The following PSD3 variants were observed in gnomAD, a reference collection of about 807,000 sequenced individuals.
PSD3 encodes PH and SEC7 domain-containing protein 3.
In PSD3, 49 loss-of-function variants were observed where a neutral mutation model predicts 105.5. The observed-to-expected ratio is 0.46, with a 90% confidence interval of 0.37 to 0.59. The LOEUF (loss-of-function observed/expected upper bound fraction) is 0.59, where lower values mean the gene tolerates loss of function less well. PSD3 is among the 20% of genes least tolerant of loss of function. The pLI is 0.00. For synonymous variants in PSD3, 557 were observed against 457.8 expected (o/e 1.22, Z -2.77); for missense variants, 1,561 against 1,263.8 (o/e 1.24, Z -3.57).
intron 2 of PSD3, among the ~76,000 whole-genome samples, chr8:18,921,072 G>C (rs1203927576): frequency 1.3e-5 from 2 of 152,136 alleles, no homozygotes; most frequent in African/African-American, 2.4e-5. Flanking sequence ...TCACAGATAT[G>C]AGAAACCTTC....
chr8:19,069,053 A>G, intron 1 of PSD3, among the ~76,000 whole-genome samples: 1 of 152,140 alleles, frequency 6.6e-6, no homozygotes, highest in East Asian at 1.9e-4. Flanking sequence ...TATTCAAACT[A>G]ACGTCAAGCT....
chr8:19,080,919 CA>C (rs1011187773), intron 1 of PSD3, among the ~76,000 whole-genome samples: 4 of 151,272 alleles, frequency 2.6e-5, no homozygotes, highest in South Asian at 2.1e-4. Flanking sequence ...GAAGACCTAG[CA>C]AAAAAAAATT....
At chr8:18,969,146 G>A (rs544880972) in intron 1 of PSD3, among the ~76,000 whole-genome samples, 1 of 152,166 alleles carries the variant, frequency 6.6e-6, no homozygotes, top group African/African-American at 2.4e-5. Flanking sequence ...GGGGAAGGAG[G>A]TAATATTCAG....
At chr8:18,960,758 T>C (rs764515307) in intron 1 of PSD3, among the ~76,000 whole-genome samples, 15 of 152,142 alleles carry the variant, frequency 9.9e-5, no homozygotes, top group Non-Finnish European at 2.1e-4. Context: ...GCAATTTATT[T>C]ATTTATTTAT....
At chr8:19,017,070 T>G (rs1479016431), upstream of PSD3, among the ~76,000 whole-genome samples, 15 of 99,234 alleles carry the variant, frequency 1.5e-4, no homozygotes, top group African/African-American at 5.0e-4. Context: ...TTTTTTTTTT[T>G]GAGACAGTAT....
At chr8:18,810,105 C>A (rs1364977972) in intron 4 of PSD3, among the ~76,000 whole-genome samples, 1 of 152,194 alleles carries the variant, frequency 6.6e-6, no homozygotes, top group African/African-American at 2.4e-5. Flanking sequence ...ATGCCTTTTA[C>A]GTATGTTGTT....
chr8:19,003,265 G>A (rs1826494881), intron 1 of PSD3, among the ~76,000 whole-genome samples: 1 of 151,928 alleles, frequency 6.6e-6, no homozygotes, highest in Non-Finnish European at 1.5e-5. Context: ...CAGCTATTTG[G>A]GAGGCTGAGG....
In PSD3 at chr8:19,074,674, G is replaced by A. The variant is rs548724420; in HGVS notation, c.324+9532C>T. 3.8e-3 allele frequency among the ~76,000 whole-genome samples: 494 copies of A among 129,794 alleles called. 3 individuals are homozygous for A. The highest frequency in any genetic ancestry group is 0.014 in the African/African-American group (478 of 33,076). 85.1% of individuals were successfully genotyped at this position (129,794 alleles called of 152,430 possible). A position where few individuals can be genotyped will look rare whatever the true frequency, so the allele number is the denominator to read the frequency against. The stretch of plus-strand genomic sequence containing the variant: ...CTCGCTCTGTGGCCCAGGCTGGAGT[G>A]CAGTGACGCGATCGCAGCTCACCGC... On this transcript the variant is annotated intron_variant, in intron 1 of 1. Transcript: ENST00000521475.
In PSD3 at chr8:19,013,639, C is replaced by G; in HGVS notation, c.-56G>C. On this transcript the variant is annotated 5_prime_UTR_variant, in exon 1 of 16. Transcript: ENST00000327040. Reference sequence around the variant, plus strand: ...ACCGCCGCCGGGCGCTCCGGGGCCGCAGCCTCAGGGCGCGAGTGCCGGCGG... The same window carrying G: ...ACCGCCGCCGGGCGCTCCGGGGCCGGAGCCTCAGGGCGCGAGTGCCGGCGG... 7.6e-7 allele frequency: 1 copy of G among 1,311,018 alleles called. No homozygotes were observed. Among genetic ancestry groups the G allele is most frequent in the Non-Finnish European group, 9.6e-7 (1 of 1,037,526 alleles). The allele number at this position is 1,311,018 out of a possible 1,614,324, so 81.2% of individuals were successfully genotyped here. A position where few individuals can be genotyped will look rare whatever the true frequency, so the allele number is the denominator to read the frequency against.
At chr8:18,620,617 G>T (rs1423318186) in intron 11 of PSD3, among the ~76,000 whole-genome samples, 1 of 152,106 alleles carries the variant, frequency 6.6e-6, no homozygotes, top group South Asian at 2.1e-4. Context: ...GCTGAGGTAG[G>T]GGGGACTGCT....
chr8:18,629,521 G>C (rs1806743566), intron 11 of PSD3, among the ~76,000 whole-genome samples: 1 of 151,948 alleles, frequency 6.6e-6, no homozygotes, highest in Non-Finnish European at 1.5e-5. Context: ...TAAGCAATAA[G>C]AAGAGAGAAA....
intron 2 of PSD3, among the ~76,000 whole-genome samples, chr8:18,873,096 G>C: frequency 6.6e-6 from 1 of 152,158 alleles, no homozygotes; most frequent in Non-Finnish European, 1.5e-5. Flanking sequence ...TCATGAAACA[G>C]CAACTAAAAT....
intron 12 of PSD3, among the ~76,000 whole-genome samples, chr8:18,596,569 T>G (rs982922541): frequency 7.9e-5 from 12 of 151,460 alleles, no homozygotes; most frequent in African/African-American, 2.9e-4. Context: ...TCAACAAAAT[T>G]GACAATCCTT....
exon 1 of PSD3, chr8:19,084,677 C>G: frequency 2.9e-6 from 1 of 343,588 alleles, no homozygotes; most frequent in South Asian, 2.2e-5. Context: ...TCCTCCCTTC[C>G]TTCTTTTCCT....
At chr8:18,544,409 A>T (rs1800338238) in intron 15 of PSD3, among the ~76,000 whole-genome samples, 1 of 152,054 alleles carries the variant, frequency 6.6e-6, no homozygotes. Context: ...AACATTTTTA[A>T]AAAGAAAATG....
intron 1 of PSD3, among the ~76,000 whole-genome samples, chr8:19,033,262 T>C (rs1827830160): frequency 6.6e-6 from 1 of 152,232 alleles, no homozygotes; most frequent in Admixed American, 6.5e-5. Context: ...TGAGATTTTC[T>C]ACTTTAATTT....
rs2129886190 is a variant in PSD3, at chr8:18,533,837, G to A, written c.*1906C>T. On this transcript the variant is annotated 3_prime_UTR_variant, in exon 16 of 16. Coordinates refer to ENST00000327040, the MANE Select transcript of PSD3 (RefSeq NM_015310.4). ...ATCAATCTGATACATGGGCCATATT[G>A]GTAACTATCCTGTTTGTTTTGCAGT... The A allele has an allele frequency of 6.6e-6, 1 of 152,228 alleles. No individual in the cohort carries two copies. The highest frequency in any genetic ancestry group is 1.9e-4 in the East Asian group (1 of 5,180). The allele number at this position is 152,228 out of a possible 1,614,324, so 9.4% of individuals were successfully genotyped here.
At chr8:18,694,602 T>G (rs1431610771) in intron 9 of PSD3, among the ~76,000 whole-genome samples, 2 of 107,648 alleles carry the variant, frequency 1.9e-5, no homozygotes, top group East Asian at 5.0e-4. Flanking sequence ...AGAGTGAGAC[T>G]GCATCTCCGA....
rs112360945 is a variant in PSD3, at chr8:18,900,204, C to G, written c.131-27471G>C. On this transcript the variant is annotated intron_variant, in intron 2 of 15. Coordinates refer to ENST00000327040, the MANE Select transcript of PSD3 (RefSeq NM_015310.4). ...GGCATTACATTCTCCAAGTTTAGATCTAACACCTTCCTTTTGCTTTAAGTT... is the reference window on the plus strand; with the variant it reads ...GGCATTACATTCTCCAAGTTTAGATGTAACACCTTCCTTTTGCTTTAAGTT... Among the ~76,000 whole-genome samples the G allele has an allele frequency of 7.8e-3, 1,181 of 152,210 alleles. 15 individuals carry two copies. The highest frequency in any genetic ancestry group is 0.027 in the African/African-American group (1,130 of 41,534).
Sources: allele counts gnomAD v4.1 joint callset (sites outside exome capture counted in the v4.1 genomes callset), GRCh38; gene constraint gnomAD v4.1.1; transcripts MANE v1.5; gene names NCBI Gene and HGNC (gene_info 2026-07-23, HGNC 2026-07-21).